The following LYPLAL1 variants were observed in gnomAD, a reference collection of about 807,000 sequenced individuals.
LYPLAL1 encodes the protein lysophospholipase-like protein 1.
LYPLAL1 carries 23 observed loss-of-function variants against 19.7 expected under a neutral mutation model. The ratio of observed to expected loss-of-function variants is 1.17; its 90% CI spans 0.84 to 1.65. The LOEUF (loss-of-function observed/expected upper bound fraction) is 1.65, where lower values mean the gene tolerates loss of function less well. Ranked by LOEUF, LYPLAL1 falls within the 40% of genes most tolerant of loss-of-function variation. The probability of loss-of-function intolerance (pLI) is 0.00; values close to 1 mark genes in which losing one functional copy is unlikely to be tolerated. For synonymous variants in LYPLAL1, 119 were observed against 96.3 expected (o/e 1.24, Z -1.38); for missense variants, 355 against 279.4 (o/e 1.27, Z -1.93).
At chr1:219,376,250 C>T in the LYPLAL1 span, among the ~76,000 whole-genome samples, 1 of 22,880 alleles carries the variant, frequency 4.4e-5, no homozygotes, top group Non-Finnish European at 8.5e-5. Context: ...GCAGTTTCTT[C>T]AACAAATGGT....
chr1:219,225,811 C>T, the LYPLAL1 span, among the ~76,000 whole-genome samples: 1 of 152,190 alleles, frequency 6.6e-6, no homozygotes, highest in African/African-American at 2.4e-5. Context: ...CACCTCCTGC[C>T]TCTCGTCTCC....
At chr1:219,270,455 G>A in the LYPLAL1 span, among the ~76,000 whole-genome samples, 1 of 152,196 alleles carries the variant, frequency 6.6e-6, no homozygotes, top group Non-Finnish European at 1.5e-5. Context: ...ATTTGCATAA[G>A]GCATGAAAAA....
the LYPLAL1 span, among the ~76,000 whole-genome samples, chr1:219,304,013 A>G: frequency 6.6e-6 from 1 of 152,234 alleles, no homozygotes; most frequent in African/African-American, 2.4e-5. Flanking sequence ...CTTAAGACCA[A>G]AACAATTATC....
chr1:219,179,232 A>T lies in LYPLAL1; in HGVS notation c.177A>T (p.Pro59=). ...LTFQHIKIIY[P]TAPPRSYTPM... ...TCCAACACATAAAAATTATTTATCC[A>T]ACAGCTCCTCCCAGGTATGCAGTAA... Residue 59 remains proline, a synonymous_variant, in exon 2 of 5, where the codon CCA becomes CCT. Transcript: ENST00000366928. 6.2e-7 allele frequency: 1 copy of T among 1,609,038 alleles called. No individual in the cohort carries two copies. Among genetic ancestry groups the T allele is most frequent in the South Asian group, 1.1e-5 (1 of 90,762 alleles).
chr1:219,258,978 A>G, the LYPLAL1 span, among the ~76,000 whole-genome samples: 1 of 152,076 alleles, frequency 6.6e-6, no homozygotes, highest in Admixed American at 6.6e-5. Context: ...ACAATTCTCA[A>G]AAGATACACA....
the LYPLAL1 span, among the ~76,000 whole-genome samples, chr1:219,286,052 G>C: frequency 6.6e-6 from 1 of 152,090 alleles, no homozygotes; most frequent in South Asian, 2.1e-4. Context: ...GCATTTGGAG[G>C]GCTGCAGGTC....
At chr1:219,246,378 C>T in the LYPLAL1 span, among the ~76,000 whole-genome samples, 1 of 152,098 alleles carries the variant, frequency 6.6e-6, no homozygotes, top group Non-Finnish European at 1.5e-5. Flanking sequence ...ATCCAATCGG[C>T]TTTATTAGTA....
intron 1 of LYPLAL1, among the ~76,000 whole-genome samples, chr1:219,178,391 GAAC>G (rs960908565): frequency 3.9e-5 from 6 of 152,116 alleles, no homozygotes; most frequent in Non-Finnish European, 7.4e-5. Flanking sequence ...CTCTAGCAGT[GAAC>G]ACAGTGCTTG....
chr1:219,408,069 A>T, the LYPLAL1 span, among the ~76,000 whole-genome samples: 1 of 151,956 alleles, frequency 6.6e-6, no homozygotes, highest in Non-Finnish European at 1.5e-5. Flanking sequence ...ACAAACATTC[A>T]CTCTATAACA....
the LYPLAL1 span, among the ~76,000 whole-genome samples, chr1:219,428,673 A>T: frequency 6.6e-6 from 1 of 152,254 alleles, no homozygotes; most frequent in African/African-American, 2.4e-5. Context: ...GCTCTCTCTT[A>T]TATCGAATTA....
At chr1:219,341,430 C>G in the LYPLAL1 span, among the ~76,000 whole-genome samples, 1 of 152,060 alleles carries the variant, frequency 6.6e-6, no homozygotes, top group East Asian at 1.9e-4. Context: ...TGGGCTGTTC[C>G]ATAAGCAACA....
the LYPLAL1 span, among the ~76,000 whole-genome samples, chr1:219,256,676 A>C: frequency 2.6e-5 from 4 of 151,946 alleles, no homozygotes; most frequent in Non-Finnish European, 5.9e-5. Context: ...ATATTCAGTC[A>C]TTGAATTTAA....
At chr1:219,354,133 A>G in the LYPLAL1 span, among the ~76,000 whole-genome samples, 13,753 of 152,276 alleles carry the variant, frequency 0.09, 645 homozygotes, top group Middle Eastern at 0.11. Flanking sequence ...TATCAAGTCT[A>G]TCATACAGTC....
At chr1:219,371,069 T>C in the LYPLAL1 span, among the ~76,000 whole-genome samples, 1 of 152,222 alleles carries the variant, frequency 6.6e-6, no homozygotes, top group Non-Finnish European at 1.5e-5. Context: ...GTTATATTAC[T>C]TATTTCTCTG....
At chr1:219,274,431 A>T in the LYPLAL1 span, among the ~76,000 whole-genome samples, 3 of 152,008 alleles carry the variant, frequency 2.0e-5, no homozygotes. Context: ...TGTCTCCCAC[A>T]CTGGAGTGCA....
At chr1:219,250,503 G>T in the LYPLAL1 span, among the ~76,000 whole-genome samples, 33 of 151,890 alleles carry the variant, frequency 2.2e-4, no homozygotes, top group Non-Finnish European at 2.9e-5. Flanking sequence ...GTGAAGGTTT[G>T]TTACATAGGT....
At chr1:219,346,920 A>AT in the LYPLAL1 span, among the ~76,000 whole-genome samples, 1 of 152,316 alleles carries the variant, frequency 6.6e-6, no homozygotes, top group East Asian at 1.9e-4. Flanking sequence ...TTTGAAATGT[A>AT]TTTTAACAAA....
At chr1:219,418,811 A>C in the LYPLAL1 span, among the ~76,000 whole-genome samples, 1 of 152,016 alleles carries the variant, frequency 6.6e-6, no homozygotes, top group Non-Finnish European at 1.5e-5. Flanking sequence ...TCCTCTCTCC[A>C]TCTCCTCTCA....
At chr1:219,219,349 A>T in the LYPLAL1 span, among the ~76,000 whole-genome samples, 6 of 152,144 alleles carry the variant, frequency 3.9e-5, no homozygotes, top group African/African-American at 1.2e-4. Flanking sequence ...TGAAGTCTAC[A>T]AGAGTGATTT....
Sources: allele counts gnomAD v4.1 joint callset (sites outside exome capture counted in the v4.1 genomes callset), GRCh38; gene constraint gnomAD v4.1.1; transcripts MANE v1.5; gene names NCBI Gene and HGNC (gene_info 2026-07-23, HGNC 2026-07-21).